The following CAND2 variants were observed in gnomAD, a reference collection of about 807,000 sequenced individuals.
The protein encoded by CAND2 is cullin associated and neddylation dissociated 2 (putative).
A neutral mutation model predicts 98.9 loss-of-function variants in CAND2; 62 were observed. The ratio of observed to expected loss-of-function variants is 0.63; its 90% CI spans 0.51 to 0.77. The LOEUF is 0.77. Among genes scored for constraint, CAND2 ranks in the 30% least tolerant of loss-of-function variants. The pLI, the probability that CAND2 is intolerant of heterozygous loss-of-function variation, is 0.00. For missense variants in CAND2, 1,501 were observed against 1,655.2 expected, an observed-to-expected ratio of 0.91 and a Z score of 1.62; for synonymous variants, 770 against 731.9, an observed-to-expected ratio of 1.05 and a Z score of -0.84.
chr3:12,819,530 A>G (rs570077232), intron 10 of CAND2, among the ~76,000 whole-genome samples: 3 of 152,140 alleles, frequency 2.0e-5, no homozygotes, highest in Non-Finnish European at 4.4e-5. Context: ...GCTCTCTGTG[A>G]CCGAGCCTGG....
Position 12,830,822 on chromosome 3 carries a change from G to A in CAND2, c.3376-643G>A, listed in dbSNP as rs2062046869. On this transcript the variant is annotated intron_variant, in intron 13 of 14. Transcript: ENST00000456430. ...TCCAGCACCGCTGCTCCTTGCTGCCGTGGGCTGGGCCTCCTCCTTTGCTGT... is the reference window on the plus strand; with the variant it reads ...TCCAGCACCGCTGCTCCTTGCTGCCATGGGCTGGGCCTCCTCCTTTGCTGT... 2.0e-5 allele frequency among the ~76,000 whole-genome samples: 3 copies of A among 152,178 alleles called. No homozygotes were observed. In the South Asian group the frequency reaches 6.2e-4, roughly 32 times the overall value.
chr3:12,823,214 C>T (rs2061971489), intron 11 of CAND2, among the ~76,000 whole-genome samples: 1 of 152,000 alleles, frequency 6.6e-6, no homozygotes, highest in Non-Finnish European at 1.5e-5. Context: ...TCAAAATACT[C>T]GAAGTGGCTT....
chr3:12,801,079 C>T (rs1349472815), intron 1 of CAND2, among the ~76,000 whole-genome samples: 1 of 146,382 alleles, frequency 6.8e-6, no homozygotes, highest in Non-Finnish European at 1.5e-5. Context: ...GCACTGTTAC[C>T]CAGGCTGGAG....
At chr3:12,798,395 G>T (rs1315905130) in intron 1 of CAND2, among the ~76,000 whole-genome samples, 1 of 152,066 alleles carries the variant, frequency 6.6e-6, no homozygotes, top group Non-Finnish European at 1.5e-5. Flanking sequence ...AGCCCTGGGA[G>T]ACCCTGAGCT....
chr3:12,834,237 A>C lies in CAND2; in HGVS notation c.*255A>C. The C allele has an allele frequency of 1.9e-6, 1 of 520,114 alleles. No individual in the cohort carries two copies. Among genetic ancestry groups the C allele is most frequent in the Non-Finnish European group, 3.5e-6 (1 of 286,890 alleles). The allele number at this position is 520,114 out of a possible 1,614,324, so 32.2% of individuals were successfully genotyped here. ...AGTCATCCAAAGAAATAGGGTGAGG[A>C]AGTTTTCCAGTGACTTCACACTGTA... On this transcript the variant is annotated 3_prime_UTR_variant, in exon 15 of 15. Coordinates refer to ENST00000456430, the MANE Select transcript of CAND2 (RefSeq NM_001162499.2).
Position 12,827,536 on chromosome 3 carries a change from G to A in CAND2, c.3307G>A (p.Gly1103Ser), listed in dbSNP as rs768423278. The A allele has an allele frequency of 1.2e-6, 2 of 1,614,012 alleles. No individual in the cohort carries two copies. Among genetic ancestry groups the A allele is most frequent in the Non-Finnish European group, 8.5e-7 (1 of 1,179,988 alleles). ...GTATTCACTGCTTGAGAGCTGCCTG[G>A]GCCAGCTGGATATCTGTGAGTTCCT... Reference protein sequence around the residue: ...CMYSLLESCLGQLDICEFLNH... With the variant: ...CMYSLLESCLSQLDICEFLNH... The change falls in exon 13 of 15, where the codon GGC becomes AGC. Residue 1103 changes from glycine (G) to serine (S), a missense_variant. Around this residue, in one of 3 missense-constraint regions of CAND2, gnomAD observed 1,427 missense variants for 1,545.3 expected, o/e 0.92. Coordinates refer to ENST00000456430, the MANE Select transcript of CAND2 (RefSeq NM_001162499.2).
rs760559759 is a variant in CAND2 at position 12,834,075 on chromosome 3, T to C, written c.*93T>C. ...TCCCACCATCGCAGGTCTCTACTTTTGCCCTTCCACCATCTCACTGGGGGC... is the reference window on the plus strand; with the variant it reads ...TCCCACCATCGCAGGTCTCTACTTTCGCCCTTCCACCATCTCACTGGGGGC... On this transcript the variant is annotated 3_prime_UTR_variant, in exon 15 of 15. Coordinates refer to ENST00000456430, the MANE Select transcript of CAND2 (RefSeq NM_001162499.2). The C allele has an allele frequency of 9.4e-7, 1 of 1,063,414 alleles. No homozygotes were observed. Among genetic ancestry groups the C allele is most frequent in the Non-Finnish European group, 1.4e-6 (1 of 709,546 alleles). The allele number at this position is 1,063,414 out of a possible 1,614,324, so 65.9% of individuals were successfully genotyped here.
intron 4 of CAND2, among the ~76,000 whole-genome samples, chr3:12,808,968 G>A (rs1002734842): frequency 2.0e-5 from 3 of 152,140 alleles, no homozygotes; most frequent in African/African-American, 7.2e-5. Flanking sequence ...TGGGGCAGGG[G>A]TGAGTATTTG....
At chr3:12,801,813 A>T (rs909612393) in intron 1 of CAND2, among the ~76,000 whole-genome samples, 2 of 152,126 alleles carry the variant, frequency 1.3e-5, no homozygotes, top group African/African-American at 4.8e-5. Context: ...CTGGGCCCCA[A>T]CTCAGACCTG....
intron 1 of CAND2, among the ~76,000 whole-genome samples, chr3:12,803,158 T>A (rs148937949): frequency 0.029 from 4,345 of 152,024 alleles, 205 homozygotes; most frequent in African/African-American, 0.098. Flanking sequence ...CCTGGCTAAT[T>A]TTTTGTATTT....
At chr3:12,822,390 T>C (rs2061963470) in intron 11 of CAND2, among the ~76,000 whole-genome samples, 1 of 150,530 alleles carries the variant, frequency 6.6e-6, no homozygotes, top group Admixed American at 6.7e-5. Context: ...CCTCTCAGGC[T>C]CAAGCAATCC....
intron 2 of CAND2, among the ~76,000 whole-genome samples, chr3:12,806,269 C>A (rs1260971372): frequency 1.3e-5 from 2 of 152,050 alleles, no homozygotes; most frequent in African/African-American, 4.8e-5. Context: ...GATCACGCCA[C>A]TGTATTCCAG....
At position 12,831,622 on chromosome 3, in the gene CAND2, C is replaced by T. The variant is rs762064720; in HGVS notation, c.3483+50C>T. The T allele has an allele frequency of 1.7e-5, 22 of 1,287,924 alleles. No homozygotes were observed. In the Admixed American group the frequency reaches 2.0e-4, roughly 12 times the overall value. 79.8% of individuals were successfully genotyped at this position (1,287,924 alleles called of 1,614,324 possible). A position where few individuals can be genotyped will look rare whatever the true frequency, so the allele number is the denominator to read the frequency against. On this transcript the variant is annotated intron_variant, in intron 14 of 14. Transcript: ENST00000456430. ...CCAGGCCCTGGAGCACCTATGGAGT[C>T]CTCGGCCAGTCGTTCAGTTACCCTT...
At chr3:12,811,552 G>A (rs1027439344) in intron 5 of CAND2, among the ~76,000 whole-genome samples, 1 of 152,196 alleles carries the variant, frequency 6.6e-6, no homozygotes, top group Non-Finnish European at 1.5e-5. Context: ...GTGCCTGCTC[G>A]TGTAGAACCT....
Position 12,796,699 on chromosome 3 carries a change from G to A in CAND2, c.-22G>A, listed in dbSNP as rs771514050. 7.0e-6 allele frequency: 11 copies of A among 1,564,496 alleles called. No individual in the cohort carries two copies. Among genetic ancestry groups the A allele is most frequent in the Admixed American group, 5.6e-5 (3 of 53,218 alleles). Reference sequence around the variant, plus strand: ...GCCGCCATATTCCCTCCCGCCGGCCGGCTCCGCGGCGCGCAGCCACCATGA... The same window carrying A: ...GCCGCCATATTCCCTCCCGCCGGCCAGCTCCGCGGCGCGCAGCCACCATGA... On this transcript the variant is annotated 5_prime_UTR_variant, in exon 1 of 15. Transcript: ENST00000456430.
chr3:12,816,256 G>T, intron 9 of CAND2, 118 bp from the exon 10 acceptor site: 1 of 1,072,252 alleles, frequency 9.3e-7, no homozygotes, highest in Non-Finnish European at 1.4e-6. Context: ...AACTTCTGCA[G>T]AAGAGTTTAG....
At chr3:12,816,306 C>T in intron 9 of CAND2, 68 bp from the exon 10 acceptor site, 1 of 1,476,840 alleles carries the variant, frequency 6.8e-7, no homozygotes, top group Non-Finnish European at 9.2e-7. Context: ...GTACCCCAGC[C>T]TTGCTTCCAG....
intron 1 of CAND2, among the ~76,000 whole-genome samples, chr3:12,801,852 T>A (rs545252947): frequency 6.6e-6 from 1 of 152,318 alleles, no homozygotes; most frequent in East Asian, 1.9e-4. Context: ...GAATGGGGAC[T>A]AGTATTATTT....
At chr3:12,831,365 C>T (rs1397278633) in intron 13 of CAND2, 100 bp from the exon 14 acceptor site, 9 of 888,568 alleles carry the variant, frequency 1.0e-5, no homozygotes, top group African/African-American at 1.7e-5. Flanking sequence ...TGAACTTGGG[C>T]TTCAGGTTTC....
Sources: allele counts gnomAD v4.1 joint callset (sites outside exome capture counted in the v4.1 genomes callset), GRCh38; gene constraint gnomAD v4.1.1; regional missense constraint gnomAD v4.1.1; transcripts MANE v1.5; gene names NCBI Gene and HGNC (gene_info 2026-07-23, HGNC 2026-07-21).